CACNB4: variants seen among roughly 807,000 people sequenced by gnomAD.
The protein encoded by CACNB4 is calcium voltage-gated channel auxiliary subunit beta 4.
A neutral mutation model predicts 71.2 loss-of-function variants in CACNB4; 32 were observed. That is an observed-to-expected ratio of 0.45 (90% CI 0.34 to 0.60). The LOEUF is 0.60. Ranked by LOEUF, CACNB4 falls within the 20% of genes least tolerant of loss-of-function variation. The pLI, the probability that CACNB4 is intolerant of heterozygous loss-of-function variation, is 0.01. For missense variants in CACNB4, 464 were observed against 647.9 expected (o/e 0.72, Z 3.08); for synonymous variants, 231 against 236.9 (o/e 0.97, Z 0.23).
At chr2:151,870,676 A>T in intron 7 of CACNB4, 65 bp from the exon 8 acceptor site, 1 of 1,360,738 alleles carries the variant, frequency 7.3e-7, no homozygotes, top group African/African-American at 1.4e-5. Flanking sequence ...CAGCCACAAC[A>T]TTCATAATTT....
At chr2:152,003,450 A>G (rs1356802172) in intron 2 of CACNB4, among the ~76,000 whole-genome samples, 2 of 152,118 alleles carry the variant, frequency 1.3e-5, no homozygotes, top group African/African-American at 4.8e-5. Flanking sequence ...CATCTAAAAA[A>G]AAAAAAAAAA....
chr2:151,842,632 C>T (rs1012335696), intron 12 of CACNB4, among the ~76,000 whole-genome samples: 7 of 151,946 alleles, frequency 4.6e-5, no homozygotes, highest in East Asian at 1.9e-4. Flanking sequence ...AGCGCCCAGC[C>T]GGATTTTTCA....
intron 2 of CACNB4, among the ~76,000 whole-genome samples, chr2:152,001,374 G>C (rs996800106): frequency 6.6e-6 from 1 of 151,132 alleles, no homozygotes; most frequent in African/African-American, 2.5e-5. Flanking sequence ...CCACCATCTG[G>C]CAGGGTAGCG....
At chr2:151,984,299 G>C (rs1467092330) in intron 2 of CACNB4, among the ~76,000 whole-genome samples, 1 of 152,128 alleles carries the variant, frequency 6.6e-6, no homozygotes, top group Admixed American at 6.5e-5. Context: ...GCTCTTAGTA[G>C]CCTTTAGGAA....
At position 152,091,963 on chromosome 2, in the gene CACNB4, G is replaced by A. The variant is rs138809193; in HGVS notation, c.147+6367C>T. Reference sequence around the variant, plus strand: ...CACAGCAACCACGCAGATTCAGAACGTTTCCAGGATCTGAGAGGAATAAGC... The same window carrying A: ...CACAGCAACCACGCAGATTCAGAACATTTCCAGGATCTGAGAGGAATAAGC... On this transcript the variant is annotated intron_variant, in intron 2 of 13. Transcript: ENST00000539935. Among the ~76,000 whole-genome samples, 26 of 152,292 alleles carry A rather than the reference G, an allele frequency of 1.7e-4. No individual in the cohort carries two copies. The East Asian group carries it at 3.9e-3, about 23-fold the overall frequency.
At chr2:152,088,087 C>A (rs1687758279) in intron 2 of CACNB4, among the ~76,000 whole-genome samples, 1 of 150,284 alleles carries the variant, frequency 6.7e-6, no homozygotes, top group Non-Finnish European at 1.5e-5. Flanking sequence ...TTCTCCAGGC[C>A]ATGAAAATAT....
chr2:152,010,705 G>A (rs1164927156), intron 2 of CACNB4, among the ~76,000 whole-genome samples: 1 of 152,178 alleles, frequency 6.6e-6, no homozygotes, highest in Non-Finnish European at 1.5e-5. Flanking sequence ...CTTGAGCCCA[G>A]GTGCATCTGA....
At chr2:151,886,236 A>C (rs146487051) in intron 2 of CACNB4, among the ~76,000 whole-genome samples, 248 of 152,338 alleles carry the variant, frequency 1.6e-3, no homozygotes, top group African/African-American at 5.7e-3. Context: ...GACATCAGGA[A>C]CCCAAGTGAG....
At chr2:151,871,586 C>T (rs1225297762) in intron 6 of CACNB4, 2 of 152,404 alleles carry the variant, frequency 1.3e-5, no homozygotes, top group African/African-American at 4.8e-5. Flanking sequence ...ACTCAGAAAC[C>T]TGGTTTGGTT....
intron 12 of CACNB4, among the ~76,000 whole-genome samples, chr2:151,849,678 C>A (rs1407052436): frequency 2.0e-5 from 3 of 152,182 alleles, no homozygotes; most frequent in African/African-American, 7.2e-5. Flanking sequence ...AGCCTGGGAG[C>A]TGCCACGTAA....
At chr2:151,962,019 C>G (rs2099869796) in intron 2 of CACNB4, among the ~76,000 whole-genome samples, 1 of 152,248 alleles carries the variant, frequency 6.6e-6, no homozygotes, top group South Asian at 2.1e-4. Flanking sequence ...CATCCTTCCC[C>G]ACTCTGCTAT....
chr2:151,912,465 A>C (rs1167334023), intron 2 of CACNB4, among the ~76,000 whole-genome samples: 3 of 13,472 alleles, frequency 2.2e-4, no homozygotes, highest in Non-Finnish European at 4.3e-3. Flanking sequence ...ATTTCCATGT[A>C]ATTGTGTGGT....
intron 2 of CACNB4, among the ~76,000 whole-genome samples, chr2:152,096,626 T>TA (rs1023627778): frequency 3.9e-5 from 6 of 152,186 alleles, no homozygotes; most frequent in Non-Finnish European, 7.3e-5. Context: ...TATATTTATT[T>TA]AAAAAAATCT....
chr2:151,868,305 T>C, intron 9 of CACNB4: 1 of 152,210 alleles, frequency 6.6e-6, no homozygotes, highest in East Asian at 1.9e-4. Flanking sequence ...TTTTCTTCAA[T>C]CCTACAGTAA....
chr2:152,046,036 C>T (rs1685127395), intron 2 of CACNB4, among the ~76,000 whole-genome samples: 1 of 151,956 alleles, frequency 6.6e-6, no homozygotes, highest in Admixed American at 6.6e-5. Flanking sequence ...TAATAACAAC[C>T]TCTATTATAA....
intron 2 of CACNB4, among the ~76,000 whole-genome samples, chr2:151,899,542 T>A (rs1250171566): frequency 6.6e-6 from 1 of 152,216 alleles, no homozygotes; most frequent in African/African-American, 2.4e-5. Context: ...CTTAATTGTT[T>A]AGTTTTAACT....
chr2:151,880,928 G>A lies in CACNB4; in HGVS notation c.268-6C>T. On this transcript the variant is annotated splice_region_variant and splice_polypyrimidine_tract_variant and intron_variant, in intron 3 of 13. Coordinates refer to ENST00000539935, the MANE Select transcript of CACNB4 (RefSeq NM_000726.5). ...GCAAATGCTACAGGTTTGGACTAGG[G>A]ACAGAACCATGGAATAAGGAATGAG... 6.3e-7 allele frequency: 1 copy of A among 1,599,628 alleles called. No individual in the cohort carries two copies. The highest frequency in any genetic ancestry group is 8.5e-7 in the Non-Finnish European group (1 of 1,172,560).
chr2:151,946,027 T>C (rs115060577), intron 2 of CACNB4, among the ~76,000 whole-genome samples: 1 of 149,490 alleles, frequency 6.7e-6, no homozygotes, highest in Non-Finnish European at 1.5e-5. Flanking sequence ...TTATTATTAT[T>C]ATAATAAAAT....
intron 2 of CACNB4, among the ~76,000 whole-genome samples, chr2:151,920,578 C>T (rs1347289439): frequency 6.6e-6 from 1 of 152,074 alleles, no homozygotes; most frequent in Admixed American, 6.6e-5. Context: ...ATCCTCCCAC[C>T]TTGTCCTCCC....
Sources: gnomAD v4.1 joint callset for allele counts (sites outside exome capture counted in the v4.1 genomes callset) on GRCh38, gnomAD v4.1.1 for gene constraint, MANE v1.5 for transcripts, NCBI Gene and HGNC (gene_info 2026-07-23, HGNC 2026-07-21) for gene names.